The following CAMK2D variants were observed in gnomAD, a reference collection of about 807,000 sequenced individuals.
CAMK2D encodes calcium/calmodulin-dependent protein kinase type II subunit delta.
A neutral mutation model predicts 84.0 loss-of-function variants in CAMK2D; 37 were observed. That is an observed-to-expected ratio of 0.44 (90% confidence interval 0.34 to 0.58). The LOEUF is 0.58. CAMK2D is among the 20% of genes least tolerant of loss of function. The probability of loss-of-function intolerance (pLI) is 0.02; values close to 1 mark genes in which losing one functional copy is unlikely to be tolerated. For missense variants in CAMK2D, 448 were observed against 652.5 expected, an observed-to-expected ratio of 0.69 and a Z score of 3.41; for synonymous variants, 202 against 212.5, an observed-to-expected ratio of 0.95 and a Z score of 0.43.
chr4:113,596,493 CA>C (rs1317618961), intron 4 of CAMK2D, among the ~76,000 whole-genome samples: 3 of 152,276 alleles, frequency 2.0e-5, no homozygotes, highest in Admixed American at 6.5e-5. Flanking sequence ...TATCGCCTTA[CA>C]AAATGTGTTA....
At chr4:113,543,862 G>A (rs894517471) in intron 6 of CAMK2D, among the ~76,000 whole-genome samples, 3 of 151,846 alleles carry the variant, frequency 2.0e-5, no homozygotes, top group Non-Finnish European at 2.9e-5. Context: ...GGCGATCTCT[G>A]CTCACTGCAA....
At chr4:113,536,909 C>T (rs531682924) in intron 7 of CAMK2D, among the ~76,000 whole-genome samples, 5 of 152,186 alleles carry the variant, frequency 3.3e-5, no homozygotes, top group South Asian at 2.1e-4. Context: ...ATCTTTAAAT[C>T]ATAAATCATA....
chr4:113,650,218 G>C (rs1190134568), intron 3 of CAMK2D, among the ~76,000 whole-genome samples: 3 of 151,348 alleles, frequency 2.0e-5, no homozygotes, highest in Non-Finnish European at 4.4e-5. Context: ...CTAATCTAAT[G>C]ATTGTTTAAG....
rs759013384 is a variant in CAMK2D at position 113,539,209 on chromosome 4, C to G, written c.415-1766G>C. On this transcript the variant is annotated intron_variant, in intron 6 of 20. Transcript: ENST00000511664. ...CAAGAAGTTAAGTTCCAACTATTAA[C>G]TCATGGAATAATTAACTTGGAAAAA... Among the ~76,000 whole-genome samples the G allele has an allele frequency of 9.1e-4, 139 of 152,158 alleles. 3 individuals are homozygous for G. Among genetic ancestry groups the G allele is most frequent in the Non-Finnish European group, 2.6e-4 (18 of 68,028 alleles).
chr4:113,557,509 G>A (rs986598257), intron 4 of CAMK2D, among the ~76,000 whole-genome samples: 1 of 152,202 alleles, frequency 6.6e-6, no homozygotes, highest in African/African-American at 2.4e-5. Context: ...TCATGGAGAA[G>A]GAGAATGTCA....
chr4:113,727,406 T>C (rs1173366371), intron 2 of CAMK2D, among the ~76,000 whole-genome samples: 1 of 152,102 alleles, frequency 6.6e-6, no homozygotes, highest in Non-Finnish European at 1.5e-5. Flanking sequence ...ACATAGCCAA[T>C]TAATTTGACA....
At chr4:113,736,753 A>G (rs1311844475) in intron 2 of CAMK2D, among the ~76,000 whole-genome samples, 1 of 152,160 alleles carries the variant, frequency 6.6e-6, no homozygotes, top group East Asian at 1.9e-4. Context: ...ATTATGAAAA[A>G]CAGATGAAGG....
At chr4:113,523,109 G>A (rs565211586) in intron 8 of CAMK2D, among the ~76,000 whole-genome samples, 38 of 152,280 alleles carry the variant, frequency 2.5e-4, no homozygotes, top group African/African-American at 8.9e-4. Flanking sequence ...AACCTGACCT[G>A]ACTATGGTGG....
chr4:113,725,699 T>C (rs1324242861), intron 2 of CAMK2D, among the ~76,000 whole-genome samples: 1 of 152,032 alleles, frequency 6.6e-6, no homozygotes, highest in African/African-American at 2.4e-5. Flanking sequence ...TAATAACAAA[T>C]ACCATGGTCT....
chr4:113,678,922 G>A (rs2099329343), intron 2 of CAMK2D, among the ~76,000 whole-genome samples: 3 of 152,058 alleles, frequency 2.0e-5, no homozygotes, highest in Admixed American at 2.0e-4. Flanking sequence ...AAACAGATCT[G>A]GGTGCCATAA....
intron 16 of CAMK2D, among the ~76,000 whole-genome samples, chr4:113,496,446 C>CTTTTTTT (rs543371495): frequency 2.5e-5 from 3 of 120,704 alleles, no homozygotes; most frequent in Non-Finnish European, 3.5e-5. Flanking sequence ...CTCCCATTTG[C>CTTTTTTT]TTTTTTTTTT....
chr4:113,760,589 A>C (rs1338919196), intron 1 of CAMK2D, among the ~76,000 whole-genome samples: 1 of 152,198 alleles, frequency 6.6e-6, no homozygotes, highest in African/African-American at 2.4e-5. Flanking sequence ...ACGCCGGCTA[A>C]CCAGGAGGCA....
At chr4:113,668,674 G>A (rs2099267253) in intron 2 of CAMK2D, among the ~76,000 whole-genome samples, 1 of 151,702 alleles carries the variant, frequency 6.6e-6, no homozygotes, top group African/African-American at 2.4e-5. Context: ...AGAAATAGTG[G>A]GAGAACCACT....
intron 2 of CAMK2D, among the ~76,000 whole-genome samples, chr4:113,721,312 C>T (rs751561250): frequency 6.6e-6 from 1 of 152,090 alleles, no homozygotes; most frequent in African/African-American, 2.4e-5. Context: ...GCAAATAAAG[C>T]TTTTCATAAA....
At chr4:113,519,029 T>TC (rs2098323719) in intron 8 of CAMK2D, among the ~76,000 whole-genome samples, 1 of 152,088 alleles carries the variant, frequency 6.6e-6, no homozygotes, top group Non-Finnish European at 1.5e-5. Flanking sequence ...AAATAATTTT[T>TC]CCATACATCT....
chr4:113,689,170 C>T (rs2154340076), intron 2 of CAMK2D, among the ~76,000 whole-genome samples: 1 of 152,196 alleles, frequency 6.6e-6, no homozygotes, highest in African/African-American at 2.4e-5. Flanking sequence ...TGCTTGAACC[C>T]AGGAGGCGGA....
Position 113,611,625 on chromosome 4 carries a change from A to G in CAMK2D, c.221-2419T>C, listed in dbSNP as rs140576076. ...GGAGAAGTAGCAATAATTTCTGTCT[A>G]TCCTGGGAATAACATTTTCTTAAAA... On this transcript the variant is annotated intron_variant, in intron 3 of 20. Coordinates refer to ENST00000511664, the MANE Select transcript of CAMK2D (RefSeq NM_001321571.2). 3.4e-3 allele frequency among the ~76,000 whole-genome samples: 521 copies of G among 152,298 alleles called. 2 individuals are homozygous for G. Among genetic ancestry groups the G allele is most frequent in the Non-Finnish European group, 5.4e-3 (367 of 68,010 alleles).
At chr4:113,525,612 G>A (rs541183149) in intron 8 of CAMK2D, among the ~76,000 whole-genome samples, 41 of 152,206 alleles carry the variant, frequency 2.7e-4, no homozygotes, top group African/African-American at 8.9e-4. Context: ...GTTGGAATTC[G>A]AGATTTCCTG....
At chr4:113,737,719 A>G (rs749399889) in intron 2 of CAMK2D, among the ~76,000 whole-genome samples, 7 of 152,170 alleles carry the variant, frequency 4.6e-5, no homozygotes, top group East Asian at 1.9e-4. Context: ...TATTTTTGTT[A>G]AGGCATAATA....
Sources: allele counts gnomAD v4.1 joint callset (sites outside exome capture counted in the v4.1 genomes callset), GRCh38; gene constraint gnomAD v4.1.1; transcripts MANE v1.5; gene names NCBI Gene and HGNC (gene_info 2026-07-23, HGNC 2026-07-21).